AP2A2: variants seen among roughly 807,000 people sequenced by gnomAD.
The protein encoded by AP2A2 is AP-2 complex subunit alpha-2.
In AP2A2, 32 loss-of-function variants were observed where a neutral mutation model predicts 104.2. The observed-to-expected ratio is 0.31, with a 90% CI of 0.23 to 0.41. The LOEUF (loss-of-function observed/expected upper bound fraction) is 0.41, where lower values mean the gene tolerates loss of function less well. Among genes scored for constraint, AP2A2 ranks in the 10% least tolerant of loss-of-function variants. The probability of loss-of-function intolerance (pLI) is 1.00; values close to 1 mark genes in which losing one functional copy is unlikely to be tolerated. For synonymous variants in AP2A2, 539 were observed against 533.3 expected (o/e 1.01, Z -0.15); for missense variants, 912 against 1,261.0 (o/e 0.72, Z 4.19).
At position 1,011,996 on chromosome 11, in the gene AP2A2, G is replaced by A. The variant is rs998520574; in HGVS notation, c.*1371G>A. ...GTGGTGCCAGGTGCCGTGACACGCC[G>A]TGCTGGGCTTGTGCTGCAGCTGGGT... On this transcript the variant is annotated 3_prime_UTR_variant, in exon 22 of 22. Coordinates refer to ENST00000448903, the MANE Select transcript of AP2A2 (RefSeq NM_012305.4). 3 of 159,928 alleles carry A rather than the reference G, an allele frequency of 1.9e-5. No homozygotes were observed. The highest frequency in any genetic ancestry group is 1.8e-4 in the South Asian group (1 of 5,458). The allele number at this position is 159,928 out of a possible 1,614,324, so 9.9% of individuals were successfully genotyped here.
chr11:932,180 T>C (rs769785538), intron 1 of AP2A2, among the ~76,000 whole-genome samples: 20 of 152,214 alleles, frequency 1.3e-4, no homozygotes, highest in Non-Finnish European at 2.8e-4. Context: ...CTCGAACTCT[T>C]GGCCTCAAGT....
intron 16 of AP2A2, 125 bp downstream of exon 16, chr11:1,003,929 AG>A (rs1477080698): frequency 3.5e-6 from 2 of 571,308 alleles, no homozygotes; most frequent in Admixed American, 7.9e-5. Flanking sequence ...CCCATAACTC[AG>A]TAAGAAAGCA....
chr11:1,003,521 G>A (rs1182996613), intron 15 of AP2A2: 14 of 477,348 alleles, frequency 2.9e-5, no homozygotes, highest in East Asian at 2.7e-4. Context: ...GGCTGTGTCC[G>A]CGTCCCTGCG....
At chr11:940,853 T>G (rs1358336676) in intron 1 of AP2A2, 2 of 456,216 alleles carry the variant, frequency 4.4e-6, no homozygotes, top group Admixed American at 4.7e-5. Flanking sequence ...TGAATGCTGG[T>G]TCAGTTCTTC....
chr11:929,520 G>C (rs1003991108), intron 1 of AP2A2, among the ~76,000 whole-genome samples: 2 of 152,226 alleles, frequency 1.3e-5, no homozygotes, highest in African/African-American at 4.8e-5. Flanking sequence ...GGCGGATTTT[G>C]AGCTGAAATA....
At chr11:988,391 GAC>G (rs975489878) in intron 9 of AP2A2, among the ~76,000 whole-genome samples, 159 bp from the exon 10 acceptor site, 7 of 152,252 alleles carry the variant, frequency 4.6e-5, no homozygotes, top group African/African-American at 1.7e-4. Context: ...GGGCTGTCCA[GAC>G]ACACGTGGCC....
At position 968,271 on chromosome 11, in the gene AP2A2, A is replaced by T. The variant is rs1394665425; in HGVS notation, c.137-1898A>T. ...GACATCTCTGGGAGGCCCAGAGGTG[A>T]TCCTGCATCACCCTCACTGACCAGT... On this transcript the variant is annotated intron_variant, in intron 2 of 21. Coordinates refer to ENST00000448903, the MANE Select transcript of AP2A2 (RefSeq NM_012305.4). The surrounding 1 kb of genome is among the most constrained non-coding windows in gnomAD (Gnocchi z 4.2). Among the ~76,000 whole-genome samples, 1 of 152,114 alleles carries T rather than the reference A, an allele frequency of 6.6e-6. No individual in the cohort carries two copies. Among genetic ancestry groups the T allele is most frequent in the African/African-American group, 2.4e-5 (1 of 41,430 alleles).
At chr11:929,341 C>T (rs1853215606) in intron 1 of AP2A2, among the ~76,000 whole-genome samples, 1 of 152,176 alleles carries the variant, frequency 6.6e-6, no homozygotes, top group South Asian at 2.1e-4. Flanking sequence ...GGCTCTTGAC[C>T]CTGACTCTGC....
intron 1 of AP2A2, among the ~76,000 whole-genome samples, chr11:953,233 C>T (rs1015755304): frequency 1.3e-4 from 20 of 151,794 alleles, no homozygotes; most frequent in African/African-American, 3.9e-4. Flanking sequence ...GGTGTGATCT[C>T]GGCTCACTGC....
chr11:982,775 C>G lies in AP2A2; in HGVS notation c.705+1476C>G, dbSNP rs1481344194. ...AAGCGGTTCTCCTGCCTCAGCCTCC[C>G]GAGTAGCTGGGATTAACAGGCGCCC... On this transcript the variant is annotated intron_variant, in intron 6 of 21. Transcript: ENST00000448903. Among the ~76,000 whole-genome samples the G allele has an allele frequency of 1.3e-5, 2 of 151,498 alleles. 1 individual carries two copies. Among genetic ancestry groups the G allele is most frequent in the South Asian group, 4.2e-4 (2 of 4,782 alleles).
At chr11:946,835 A>G (rs1046604319) in intron 1 of AP2A2, 1 of 151,908 alleles carries the variant, frequency 6.6e-6, no homozygotes, top group African/African-American at 2.4e-5. Flanking sequence ...TGTTTTAGCC[A>G]ACCTCCCTTA....
chr11:964,539 G>A (rs1036032112), intron 2 of AP2A2, among the ~76,000 whole-genome samples: 3 of 152,210 alleles, frequency 2.0e-5, no homozygotes, highest in African/African-American at 7.2e-5. Context: ...TTGGGGCCCT[G>A]TTCCTGAATT....
chr11:933,242 A>G (rs532844087), intron 1 of AP2A2, among the ~76,000 whole-genome samples: 1 of 152,294 alleles, frequency 6.6e-6, no homozygotes, highest in Admixed American at 6.5e-5. Flanking sequence ...CACTATAGCC[A>G]GGGCGACAAA....
At chr11:939,834 C>T (rs1853584449) in intron 1 of AP2A2, among the ~76,000 whole-genome samples, 1 of 152,034 alleles carries the variant, frequency 6.6e-6, no homozygotes, top group Non-Finnish European at 1.5e-5. Context: ...TAATATTTTA[C>T]CTGATTAATG....
At chr11:965,988 G>A (rs1854603003) in intron 2 of AP2A2, among the ~76,000 whole-genome samples, 1 of 152,174 alleles carries the variant, frequency 6.6e-6, no homozygotes, top group South Asian at 2.1e-4. Flanking sequence ...CTACAGGTGT[G>A]CACCACCACG....
chr11:932,134 G>A (rs540694183), intron 1 of AP2A2, among the ~76,000 whole-genome samples: 6 of 152,268 alleles, frequency 3.9e-5, no homozygotes, highest in African/African-American at 1.2e-4. Flanking sequence ...GCTAATTTTT[G>A]TGGAGACGTG....
At chr11:1,000,035 T>C (rs1855979755) in intron 14 of AP2A2, among the ~76,000 whole-genome samples, 1 of 151,816 alleles carries the variant, frequency 6.6e-6, no homozygotes, top group South Asian at 2.1e-4. Context: ...CTCGATCTCC[T>C]GACCTCGTGA....
chr11:931,225 C>T (rs1005703066), intron 1 of AP2A2, among the ~76,000 whole-genome samples: 6 of 151,944 alleles, frequency 3.9e-5, no homozygotes, highest in African/African-American at 1.2e-4. Flanking sequence ...CAAAAGATAC[C>T]GAGAAAACAA....
chr11:952,929 G>A (rs893613027), intron 1 of AP2A2, among the ~76,000 whole-genome samples: 3 of 152,206 alleles, frequency 2.0e-5, no homozygotes, highest in Non-Finnish European at 2.9e-5. Flanking sequence ...TCAGTGGCAC[G>A]AATTGGTGCC....
Sources: allele counts gnomAD v4.1 joint callset (sites outside exome capture counted in the v4.1 genomes callset), GRCh38; gene constraint gnomAD v4.1.1; non-coding constraint Gnocchi (gnomAD v3.1); transcripts MANE v1.5; gene names NCBI Gene and HGNC (gene_info 2026-07-23, HGNC 2026-07-21).